MAML2: variants seen among roughly 807,000 people sequenced by gnomAD.
MAML2 encodes the protein mastermind-like protein 2.
In MAML2, 22 loss-of-function variants were observed where a neutral mutation model predicts 96.1. The observed-to-expected ratio is 0.23, with a 90% confidence interval of 0.16 to 0.33. MAML2 has a LOEUF of 0.33. MAML2 is among the 10% of genes least tolerant of loss of function. MAML2 has a pLI of 1.00. For synonymous variants in MAML2, 561 were observed against 521.3 expected (o/e 1.08, Z -1.04); for missense variants, 1,367 against 1,392.4 (o/e 0.98, Z 0.29).
Position 95,979,214 on chromosome 11 carries a change from A to G in MAML2, c.3205T>C (p.Leu1069=). ...TTGATGCCCGTCCTCGACTGATTCA[A>G]CCCTGTTCCTGACTGATTCAAATTA... The part of the protein sequence containing the change: ...LPNLNQSGTG[L]NQSRTGINQP... Residue 1069 remains leucine, a synonymous_variant, in exon 5 of 5, where the codon TTG becomes CTG. Transcript: ENST00000524717. 6.2e-7 allele frequency: 1 copy of G among 1,613,902 alleles called. No individual in the cohort carries two copies. The highest frequency in any genetic ancestry group is 2.2e-5 in the East Asian group (1 of 44,880).
intron 4 of MAML2, among the ~76,000 whole-genome samples, chr11:95,980,679 C>T (rs929578002): frequency 2.6e-5 from 4 of 152,214 alleles, no homozygotes; most frequent in African/African-American, 9.6e-5. Context: ...AAGGTTCAGG[C>T]TAAGGCCGAA....
At chr11:96,042,455 C>A (rs1048301885) in intron 2 of MAML2, among the ~76,000 whole-genome samples, 2 of 152,128 alleles carry the variant, frequency 1.3e-5, no homozygotes, top group Non-Finnish European at 2.9e-5. Context: ...ACTGCAGTAA[C>A]CTCCCGTGGT....
intron 1 of MAML2, among the ~76,000 whole-genome samples, chr11:96,137,823 C>T (rs1274868644): frequency 6.6e-6 from 1 of 152,096 alleles, no homozygotes; most frequent in Non-Finnish European, 1.5e-5. Context: ...ATATATTGAT[C>T]TTTAATACTT....
chr11:96,278,573 G>C (rs530629858), intron 1 of MAML2, among the ~76,000 whole-genome samples: 9 of 152,272 alleles, frequency 5.9e-5, no homozygotes, highest in Non-Finnish European at 1.3e-4. Context: ...TGGCAAATTA[G>C]GGAGGAGGTA....
At position 96,092,967 on chromosome 11, in the gene MAML2, G is replaced by A; in HGVS notation, c.1064C>T (p.Pro355Leu). The A allele has an allele frequency of 6.2e-7, 1 of 1,613,668 alleles. No homozygotes were observed. The highest frequency in any genetic ancestry group is 1.1e-5 in the South Asian group (1 of 91,054). Reference sequence around the variant, plus strand: ...CACTATTTTCTCCATGGGTAAGGAGGGCCTAGGTGTGCTCCTCTGGCTTTG... The same window carrying A: ...CACTATTTTCTCCATGGGTAAGGAGAGCCTAGGTGTGCTCCTCTGGCTTTG... ...GQQSQRSTPR[P>L]SLPMEKIVIK... The change falls in exon 2 of 5, where the codon CCC becomes CTC. Residue 355 changes from proline (P) to leucine (L), a missense_variant. Coordinates refer to ENST00000524717, the MANE Select transcript of MAML2 (RefSeq NM_032427.4). The surrounding 1 kb of genome is among the most constrained non-coding windows in gnomAD (Gnocchi z 4.1).
intron 4 of MAML2, among the ~76,000 whole-genome samples, chr11:95,982,047 C>A (rs1188814471): frequency 6.6e-6 from 1 of 152,050 alleles, no homozygotes; most frequent in East Asian, 1.9e-4. Context: ...TTTTTAATAT[C>A]AAAATCTGGG....
chr11:96,059,723 C>T (rs1223176371), intron 2 of MAML2, among the ~76,000 whole-genome samples: 1 of 152,150 alleles, frequency 6.6e-6, no homozygotes, highest in African/African-American at 2.4e-5. Flanking sequence ...TGTCGGCACT[C>T]AAAAAGTTTG....
rs766634690 is a variant in MAML2, at chr11:96,034,456, A to AGAGAGAGTGTGT, written c.2140-42734_2140-42733insACACACTCTCTC. On this transcript the variant is annotated intron_variant, in intron 2 of 4. Transcript: ENST00000524717. ...GTGAGAGAGAGAGAGAGAGAGAGAG[A>AGAGAGAGTGTGT]GTGTGTGTGTGTGTGTGTGTCAGAG... Among the ~76,000 whole-genome samples the AGAGAGAGTGTGT allele has an allele frequency of 9.7e-4, 141 of 144,826 alleles. 3 individuals carry two copies. Among genetic ancestry groups the AGAGAGAGTGTGT allele is most frequent in the African/African-American group, 3.2e-3 (122 of 38,080 alleles).
chr11:96,224,842 A>T (rs1862189458), intron 1 of MAML2, among the ~76,000 whole-genome samples: 1 of 152,224 alleles, frequency 6.6e-6, no homozygotes, highest in Non-Finnish European at 1.5e-5. Flanking sequence ...CATTATTTGG[A>T]TTCTTCAAGT....
chr11:96,161,257 A>G (rs1861099144), intron 1 of MAML2, among the ~76,000 whole-genome samples: 2 of 152,312 alleles, frequency 1.3e-5, no homozygotes, highest in South Asian at 2.1e-4. Context: ...AGGGAATTAA[A>G]TTTCCTCAGC....
intron 1 of MAML2, among the ~76,000 whole-genome samples, chr11:96,144,778 C>G (rs1022212558): frequency 6.6e-6 from 1 of 152,066 alleles, no homozygotes; most frequent in Non-Finnish European, 1.5e-5. Flanking sequence ...AGAAAAGAGG[C>G]CAGATATATA....
intron 1 of MAML2, among the ~76,000 whole-genome samples, chr11:96,120,975 G>T (rs1404998601): frequency 6.6e-6 from 1 of 152,230 alleles, no homozygotes; most frequent in Non-Finnish European, 1.5e-5. Context: ...TCTAGGGCAA[G>T]TGCTGTGATT....
intron 2 of MAML2, among the ~76,000 whole-genome samples, chr11:96,032,115 G>T (rs1482237944): frequency 1.3e-5 from 2 of 152,128 alleles, no homozygotes; most frequent in African/African-American, 4.8e-5. Context: ...AATTAAGAAT[G>T]TTTGGGATCA....
intron 2 of MAML2, among the ~76,000 whole-genome samples, chr11:96,040,865 T>C (rs1380005832): frequency 6.6e-6 from 1 of 152,228 alleles, no homozygotes; most frequent in African/African-American, 2.4e-5. Flanking sequence ...CAAAGCTCAG[T>C]GCTGACTGTT....
rs920146827 is a variant in MAML2 at position 96,024,624 on chromosome 11, T to C, written c.2140-32901A>G. ...CTTCCTCTGGCTATCTCTTCTGGTTTCCTACTGAGTAGAGTAAATTTCAAA... is the reference window on the plus strand; with the variant it reads ...CTTCCTCTGGCTATCTCTTCTGGTTCCCTACTGAGTAGAGTAAATTTCAAA... On this transcript the variant is annotated intron_variant, in intron 2 of 4. Transcript: ENST00000524717. Among the ~76,000 whole-genome samples, 7 of 152,256 alleles carry C rather than the reference T, an allele frequency of 4.6e-5. No homozygotes were observed. The South Asian group carries it at 6.2e-4, about 13-fold the overall frequency.
intron 1 of MAML2, among the ~76,000 whole-genome samples, chr11:96,336,571 C>T (rs115241516): frequency 0.012 from 1,770 of 152,238 alleles, 34 homozygotes; most frequent in African/African-American, 0.04. Context: ...TGCCTGTGAA[C>T]ATAAACATAT....
chr11:96,071,748 C>G (rs1007519872), intron 2 of MAML2, among the ~76,000 whole-genome samples: 2 of 152,172 alleles, frequency 1.3e-5, no homozygotes, highest in African/African-American at 4.8e-5. Context: ...CACCAAATCT[C>G]ATCTCCATCT....
At chr11:96,245,545 T>A (rs1862499117) in intron 1 of MAML2, among the ~76,000 whole-genome samples, 3 of 152,162 alleles carry the variant, frequency 2.0e-5, no homozygotes. Context: ...ATCCTTTATA[T>A]AAACTTCTGC....
intron 2 of MAML2, among the ~76,000 whole-genome samples, chr11:96,041,653 T>C (rs930812489): frequency 2.0e-5 from 3 of 151,874 alleles, no homozygotes; most frequent in Admixed American, 2.0e-4. Flanking sequence ...TTTCAGTCAG[T>C]AGGAACCTCC....
Sources: allele counts gnomAD v4.1 joint callset (sites outside exome capture counted in the v4.1 genomes callset), GRCh38; gene constraint gnomAD v4.1.1; non-coding constraint Gnocchi (gnomAD v3.1); transcripts MANE v1.5; gene names NCBI Gene and HGNC (gene_info 2026-07-23, HGNC 2026-07-21).